Variants in SYT16 observed in about 807,000 individuals in gnomAD.
SYT16 encodes the protein synaptotagmin-16.
Under a neutral mutation model 61.4 loss-of-function variants are expected in SYT16, and 42 were observed. The ratio of observed to expected loss-of-function variants is 0.68; its 90% CI spans 0.53 to 0.89. The LOEUF is 0.89. Among genes scored for constraint, SYT16 ranks in the 40% least tolerant of loss-of-function variants. The probability of loss-of-function intolerance (pLI) is 0.00; values close to 1 mark genes in which losing one functional copy is unlikely to be tolerated. For missense variants in SYT16, 804 were observed against 807.3 expected (o/e 1.00, Z 0.05); for synonymous variants, 314 against 302.3 (o/e 1.04, Z -0.40).
intron 1 of SYT16, among the ~76,000 whole-genome samples, chr14:61,918,123 T>C (rs1308174176): frequency 6.6e-6 from 1 of 152,152 alleles, no homozygotes; most frequent in African/African-American, 2.4e-5. Flanking sequence ...TATGGAACTT[T>C]TAGTTTTAGT....
intron 1 of SYT16, among the ~76,000 whole-genome samples, chr14:61,861,620 G>A (rs1194536982): frequency 6.6e-6 from 1 of 152,158 alleles, no homozygotes; most frequent in Non-Finnish European, 1.5e-5. Context: ...GCCCAGGCTG[G>A]TCTCGAATTC....
chr14:61,930,929 G>A (rs1023414542), intron 1 of SYT16, among the ~76,000 whole-genome samples: 5 of 152,106 alleles, frequency 3.3e-5, no homozygotes, highest in Admixed American at 6.6e-5. Context: ...ATGGAATGCC[G>A]CCCTCCTCAC....
intron 2 of SYT16, among the ~76,000 whole-genome samples, chr14:61,978,477 A>G (rs947655799): frequency 6.6e-6 from 1 of 152,218 alleles, no homozygotes; most frequent in Non-Finnish European, 1.5e-5. Flanking sequence ...GTTGAACCAC[A>G]CAGGATCTCA....
chr14:61,918,598 G>A (rs552109055), intron 1 of SYT16, among the ~76,000 whole-genome samples: 1 of 151,908 alleles, frequency 6.6e-6, no homozygotes, highest in Admixed American at 6.6e-5. Flanking sequence ...ATATTGCCTG[G>A]CAAGAAAAGC....
chr14:62,062,869 A>G (rs2055887534), intron 3 of SYT16, among the ~76,000 whole-genome samples: 1 of 152,174 alleles, frequency 6.6e-6, no homozygotes, highest in African/African-American at 2.4e-5. Context: ...CGATGTGAGC[A>G]ATACTTGCCT....
At chr14:62,089,433 C>T (rs765508967) in intron 7 of SYT16, among the ~76,000 whole-genome samples, 2 of 151,996 alleles carry the variant, frequency 1.3e-5, no homozygotes, top group East Asian at 1.9e-4. Context: ...TTCTTCTTTT[C>T]GAACTTCATT....
intron 2 of SYT16, among the ~76,000 whole-genome samples, chr14:61,979,240 A>G (rs1207833473): frequency 6.6e-6 from 1 of 152,188 alleles, no homozygotes; most frequent in African/African-American, 2.4e-5. Flanking sequence ...TGAGATGGAG[A>G]GGAACATTTA....
intron 2 of SYT16, among the ~76,000 whole-genome samples, chr14:61,989,891 T>C (rs756187518): frequency 3.3e-5 from 5 of 152,220 alleles, no homozygotes; most frequent in Non-Finnish European, 5.9e-5. Flanking sequence ...TGAAGTCCAG[T>C]GTAAAAAGGC....
Position 62,064,335 on chromosome 14 carries a change from A to G in SYT16, c.524-5268A>G, listed in dbSNP as rs1313003379. On this transcript the variant is annotated intron_variant, in intron 3 of 7. Coordinates refer to ENST00000683842, the MANE Select transcript of SYT16 (RefSeq NM_001367656.1). ...AGACAAGAGCCAAACTTTAAATTTGAAAAAAAAAAAAAAAAAAAAAAAAGA... is the reference window on the plus strand; with the variant it reads ...AGACAAGAGCCAAACTTTAAATTTGGAAAAAAAAAAAAAAAAAAAAAAAGA... 2.3e-4 allele frequency among the ~76,000 whole-genome samples: 16 copies of G among 70,822 alleles called. No individual in the cohort carries two copies. In the South Asian group the frequency reaches 5.4e-3, roughly 24 times the overall value. The allele number at this position is 70,822 out of a possible 152,430, so 46.5% of individuals were successfully genotyped here.
chr14:62,069,240 C>T (rs1431075421), intron 3 of SYT16, among the ~76,000 whole-genome samples: 5 of 152,184 alleles, frequency 3.3e-5, no homozygotes, highest in Non-Finnish European at 7.3e-5. Context: ...ACTAGAACTG[C>T]ATATAAGGCA....
chr14:62,014,732 C>A (rs1456058538), intron 3 of SYT16, among the ~76,000 whole-genome samples: 1 of 152,134 alleles, frequency 6.6e-6, no homozygotes, highest in African/African-American at 2.4e-5. Flanking sequence ...TTGCGCCCGG[C>A]TGGTTTCTCT....
At chr14:61,887,950 A>G (rs1594834328) in intron 1 of SYT16, among the ~76,000 whole-genome samples, 1 of 152,178 alleles carries the variant, frequency 6.6e-6, no homozygotes. Context: ...CAACTTGGCT[A>G]ACTCTTTGGT....
At chr14:61,941,314 A>G (rs780725945) in intron 1 of SYT16, among the ~76,000 whole-genome samples, 12 of 152,172 alleles carry the variant, frequency 7.9e-5, no homozygotes, top group Non-Finnish European at 2.9e-5. Context: ...TCAGATTCAC[A>G]GCTCTACCAT....
intron 2 of SYT16, among the ~76,000 whole-genome samples, chr14:61,970,913 T>C (rs1042069089): frequency 1.8e-4 from 27 of 149,436 alleles, no homozygotes; most frequent in African/African-American, 6.5e-4. Context: ...AATACTCTTA[T>C]CTTACAGACG....
At chr14:61,998,997 C>T (rs956226873) in intron 3 of SYT16, among the ~76,000 whole-genome samples, 1 of 151,770 alleles carries the variant, frequency 6.6e-6, no homozygotes, top group East Asian at 1.9e-4. Flanking sequence ...TGGATAAAAT[C>T]CACTTGGTCA....
chr14:61,947,828 C>T lies in SYT16; in HGVS notation c.-324-22304C>T, dbSNP rs74715250. On this transcript the variant is annotated intron_variant, in intron 1 of 7. Transcript: ENST00000683842. ...TGTGCAAAGGGTGCATTCATCCCTT[C>T]TGCCAGGTGGGACTTGGATAGGCTT... 3.4e-3 allele frequency among the ~76,000 whole-genome samples: 511 copies of T among 152,338 alleles called. 4 individuals carry two copies. Among genetic ancestry groups the T allele is most frequent in the African/African-American group, 0.012 (497 of 41,586 alleles).
At chr14:61,956,264 GTTAA>G (rs1449463689) in intron 1 of SYT16, among the ~76,000 whole-genome samples, 2 of 151,904 alleles carry the variant, frequency 1.3e-5, no homozygotes, top group Non-Finnish European at 1.5e-5. Flanking sequence ...TTTTCATTTG[GTTAA>G]TTGTTTCCTT....
chr14:61,925,658 G>A (rs1050315666), intron 1 of SYT16, among the ~76,000 whole-genome samples: 1 of 152,090 alleles, frequency 6.6e-6, no homozygotes, highest in Non-Finnish European at 1.5e-5. Flanking sequence ...TTCCTGGTTA[G>A]GCTTTATTTT....
At chr14:61,894,352 GC>G (rs1464678974) in intron 1 of SYT16, among the ~76,000 whole-genome samples, 1 of 149,338 alleles carries the variant, frequency 6.7e-6, no homozygotes, top group Non-Finnish European at 1.5e-5. Context: ...CCCACCCCCT[GC>G]CCCCCAAATC....
Sources: allele counts gnomAD v4.1 joint callset (sites outside exome capture counted in the v4.1 genomes callset), GRCh38; gene constraint gnomAD v4.1.1; transcripts MANE v1.5; gene names NCBI Gene and HGNC (gene_info 2026-07-23, HGNC 2026-07-21).